AGBL1: variants seen among roughly 807,000 people sequenced by gnomAD.
AGBL1 encodes AGBL carboxypeptidase 1.
AGBL1 carries 130 observed loss-of-function variants against 118.9 expected under a neutral mutation model. That is an observed-to-expected ratio of 1.09 (90% CI 0.95 to 1.26). The LOEUF (loss-of-function observed/expected upper bound fraction) is 1.26, where lower values mean the gene tolerates loss of function less well. Among genes scored for constraint, AGBL1 ranks in the 50% most tolerant of loss-of-function variants. The pLI, the probability that AGBL1 is intolerant of heterozygous loss-of-function variation, is 0.00. For synonymous variants in AGBL1, 555 were observed against 478.9 expected (o/e 1.16, Z -2.08); for missense variants, 1,584 against 1,298.1 (o/e 1.22, Z -3.38).
intron 1 of AGBL1, among the ~76,000 whole-genome samples, chr15:86,100,513 T>A (rs369833934): frequency 9.2e-5 from 14 of 152,094 alleles, no homozygotes; most frequent in Middle Eastern, 3.4e-3. Context: ...ACTTTTTTTT[T>A]ATTATTATTA....
chr15:86,592,570 G>A (rs962318843), intron 21 of AGBL1, among the ~76,000 whole-genome samples: 2 of 152,186 alleles, frequency 1.3e-5, no homozygotes, highest in African/African-American at 4.8e-5. Context: ...GGGAGGGGCC[G>A]TGTGTGCAGT....
chr15:86,611,629 T>A (rs1260532533), intron 21 of AGBL1, among the ~76,000 whole-genome samples: 1 of 152,174 alleles, frequency 6.6e-6, no homozygotes, highest in Admixed American at 6.5e-5. Context: ...TCTTTGCTGA[T>A]TTATTGCAGC....
At chr15:86,446,376 A>G (rs1399780881) in intron 18 of AGBL1, among the ~76,000 whole-genome samples, 3 of 152,204 alleles carry the variant, frequency 2.0e-5, no homozygotes, top group Non-Finnish European at 4.4e-5. Flanking sequence ...TGAGCCAGAG[A>G]AGCTCAAGGG....
intron 1 of AGBL1, among the ~76,000 whole-genome samples, chr15:86,134,903 G>A (rs536014080): frequency 6.7e-6 from 1 of 149,504 alleles, no homozygotes; most frequent in South Asian, 2.2e-4. Flanking sequence ...GTAAGCCACT[G>A]TGCCAGCCAA....
intron 22 of AGBL1, among the ~76,000 whole-genome samples, chr15:86,869,587 C>G (rs949321352): frequency 1.7e-5 from 2 of 119,556 alleles, no homozygotes; most frequent in Non-Finnish European, 4.1e-5. Context: ...CCCTGTAGAT[C>G]CGATATGTGG....
chr15:86,659,145 A>G (rs1177521694), intron 21 of AGBL1, among the ~76,000 whole-genome samples: 1 of 152,130 alleles, frequency 6.6e-6, no homozygotes, highest in Non-Finnish European at 1.5e-5. Context: ...GAAGATTTCT[A>G]GATTCTTGAT....
chr15:86,975,635 A>G (rs553953854), intron 23 of AGBL1, among the ~76,000 whole-genome samples: 1 of 152,258 alleles, frequency 6.6e-6, no homozygotes, highest in East Asian at 1.9e-4. Context: ...TCTAAAGCAC[A>G]ATGTTTCAGG....
chr15:86,682,959 T>C (rs2085987827), intron 22 of AGBL1, among the ~76,000 whole-genome samples: 1 of 152,152 alleles, frequency 6.6e-6, no homozygotes, highest in Non-Finnish European at 1.5e-5. Flanking sequence ...GTTTGCCAAA[T>C]GTCATGACTA....
intron 18 of AGBL1, among the ~76,000 whole-genome samples, chr15:86,437,424 A>G (rs191790815): frequency 2.6e-5 from 4 of 152,186 alleles, no homozygotes; most frequent in Admixed American, 6.5e-5. Flanking sequence ...CCATTATGAG[A>G]CATTTATTGA....
chr15:86,853,130 A>T (rs1450701233), intron 22 of AGBL1, among the ~76,000 whole-genome samples: 2 of 152,182 alleles, frequency 1.3e-5, no homozygotes, highest in African/African-American at 4.8e-5. Flanking sequence ...CAGAATTCTG[A>T]CAACTCCCCA....
At chr15:86,166,127 C>T (rs985191215) in intron 5 of AGBL1, among the ~76,000 whole-genome samples, 1 of 152,192 alleles carries the variant, frequency 6.6e-6, no homozygotes, top group Admixed American at 6.5e-5. Flanking sequence ...CTGAACCAAG[C>T]CTTCTACCCT....
At chr15:86,262,918 A>T (rs1314636796) in intron 10 of AGBL1, 24 bp downstream of exon 10, 1 of 1,530,712 alleles carries the variant, frequency 6.5e-7, no homozygotes, top group Admixed American at 1.9e-5. Context: ...TGTGGTTCTG[A>T]TCTTTGACGA....
intron 20 of AGBL1, among the ~76,000 whole-genome samples, chr15:86,548,643 CCACACACACACACATGCACGCACA>C (rs2083619666): frequency 7.3e-6 from 1 of 136,156 alleles, no homozygotes; most frequent in Admixed American, 7.4e-5. Flanking sequence ...AGAAGGATAG[CCACACACACACACATGCACGCACA>C]CACACACACA....
chr15:86,395,520 G>C (rs1344887443), intron 17 of AGBL1, among the ~76,000 whole-genome samples: 1 of 151,940 alleles, frequency 6.6e-6, no homozygotes, highest in Non-Finnish European at 1.5e-5. Context: ...CAAATGCTAT[G>C]GCCTCTTAGA....
chr15:86,454,625 A>C (rs2082238049), intron 18 of AGBL1, among the ~76,000 whole-genome samples: 1 of 152,234 alleles, frequency 6.6e-6, no homozygotes, highest in East Asian at 1.9e-4. Flanking sequence ...TGACATGATC[A>C]GCCAAATAAA....
At chr15:86,623,687 T>TCCAG (rs1391199798) in intron 21 of AGBL1, among the ~76,000 whole-genome samples, 1 of 152,234 alleles carries the variant, frequency 6.6e-6, no homozygotes, top group African/African-American at 2.4e-5. Context: ...TGTCAGTTCC[T>TCCAG]CCAGCACAAA....
In AGBL1 at chr15:86,832,104, A is replaced by G. The variant is rs552684336; in HGVS notation, c.3159-74983A>G. Among the ~76,000 whole-genome samples, 210 of 152,314 alleles carry G rather than the reference A, an allele frequency of 1.4e-3. 1 individual carries two copies. The highest frequency in any genetic ancestry group is 4.8e-3 in the African/African-American group (199 of 41,570). The stretch of plus-strand genomic sequence containing the variant: ...ACCATGGCTGGGATGCAGAGCACTA[A>G]GTCCGAGACTGCACAAAGCAGCAGG... On this transcript the variant is annotated intron_variant, in intron 22 of 22. Transcript: ENST00000614907.
At chr15:86,655,093 C>G (rs925297577) in intron 21 of AGBL1, among the ~76,000 whole-genome samples, 1 of 152,158 alleles carries the variant, frequency 6.6e-6, no homozygotes, top group East Asian at 1.9e-4. Context: ...CCTACTCTAT[C>G]CATTGGCACA....
Position 86,957,756 on chromosome 15 carries a change from G to T in AGBL1, c.3222-30231G>T, listed in dbSNP as rs1053117720. On this transcript the variant is annotated intron_variant, in intron 23 of 24. Coordinates refer to the AGBL1 transcript ENST00000441037. ...AATAAATGAGAAGAATCAATATAATGAATCATCAATTCTTGTCGTATTAAT... is the reference window on the plus strand; with the variant it reads ...AATAAATGAGAAGAATCAATATAATTAATCATCAATTCTTGTCGTATTAAT... Among the ~76,000 whole-genome samples, 16 of 152,064 alleles carry T rather than the reference G, an allele frequency of 1.1e-4. No individual in the cohort carries two copies. In the South Asian group the frequency reaches 3.3e-3, roughly 32 times the overall value.
Sources: allele counts gnomAD v4.1 joint callset (sites outside exome capture counted in the v4.1 genomes callset), GRCh38; gene constraint gnomAD v4.1.1; transcripts MANE v1.5; gene names NCBI Gene and HGNC (gene_info 2026-07-23, HGNC 2026-07-21).